Variants in FTO observed in about 807,000 individuals in gnomAD.
FTO encodes the protein alpha-ketoglutarate-dependent dioxygenase FTO.
A neutral mutation model predicts 63.9 loss-of-function variants in FTO; 47 were observed. The ratio of observed to expected loss-of-function variants is 0.74; its 90% CI spans 0.58 to 0.94. FTO has a LOEUF of 0.94. FTO is among the 40% of genes least tolerant of loss of function. FTO has a pLI of 0.00. For synonymous variants in FTO, 207 were observed against 224.4 expected (o/e 0.92, Z 0.69); for missense variants, 562 against 618.1 (o/e 0.91, Z 0.96).
chr16:54,079,515 G>A (rs543324405), intron 8 of FTO, among the ~76,000 whole-genome samples: 3 of 152,184 alleles, frequency 2.0e-5, no homozygotes, highest in Non-Finnish European at 4.4e-5. Context: ...CCAAGTAATT[G>A]CTGCGGGATT....
chr16:53,853,497 C>T (rs753230800), intron 4 of FTO, among the ~76,000 whole-genome samples: 28 of 151,970 alleles, frequency 1.8e-4, no homozygotes, highest in Admixed American at 2.6e-4. Context: ...TCTGAATCTC[C>T]AGTGTCCATT....
At chr16:53,763,320 TTGA>T (rs1348204546) in intron 1 of FTO, among the ~76,000 whole-genome samples, 6 of 152,226 alleles carry the variant, frequency 3.9e-5, no homozygotes, top group Non-Finnish European at 8.8e-5. Context: ...GTAATTATTG[TTGA>T]TGATAAATAA....
intron 7 of FTO, among the ~76,000 whole-genome samples, chr16:53,919,683 A>G (rs2081963364): frequency 6.6e-6 from 1 of 152,222 alleles, no homozygotes. Context: ...TGGCATTCAC[A>G]GCAACCTGGA....
chr16:54,017,782 C>CT (rs1888718131), intron 8 of FTO, among the ~76,000 whole-genome samples: 1 of 152,170 alleles, frequency 6.6e-6, no homozygotes, highest in African/African-American at 2.4e-5. Flanking sequence ...AATGAGCTTT[C>CT]TGCATCTGCC....
At chr16:53,828,977 G>A (rs951856844) in intron 3 of FTO, among the ~76,000 whole-genome samples, 9 of 152,106 alleles carry the variant, frequency 5.9e-5, no homozygotes, top group African/African-American at 1.4e-4. Flanking sequence ...TGCAACCTCC[G>A]CCTCCTGGGT....
intron 8 of FTO, among the ~76,000 whole-genome samples, chr16:53,940,191 T>C (rs895281667): frequency 9.2e-5 from 14 of 152,168 alleles, no homozygotes; most frequent in African/African-American, 3.4e-4. Flanking sequence ...GATATCCTAG[T>C]GGTATATTAT....
intron 8 of FTO, among the ~76,000 whole-genome samples, chr16:54,023,405 G>A (rs185595410): frequency 1.0e-3 from 154 of 152,270 alleles, no homozygotes; most frequent in African/African-American, 3.4e-3. Context: ...TAGGGCTTTC[G>A]TTCAAATAAT....
At chr16:53,930,414 G>A (rs1033619443) in intron 7 of FTO, among the ~76,000 whole-genome samples, 7 of 151,260 alleles carry the variant, frequency 4.6e-5, no homozygotes, top group African/African-American at 7.3e-5. Context: ...TAGTAGAGAC[G>A]GGGTTTCACC....
At chr16:53,982,572 G>A (rs917084530) in intron 8 of FTO, among the ~76,000 whole-genome samples, 2 of 152,120 alleles carry the variant, frequency 1.3e-5, no homozygotes, top group Non-Finnish European at 2.9e-5. Flanking sequence ...ACTTGTTCAT[G>A]GTACTCACTG....
intron 7 of FTO, among the ~76,000 whole-genome samples, chr16:53,902,978 C>G (rs2081440872): frequency 6.6e-6 from 1 of 152,134 alleles, no homozygotes; most frequent in African/African-American, 2.4e-5. Flanking sequence ...GGCGTAGTGG[C>G]ACATGCCCGT....
At chr16:53,779,578 C>T (rs1019313814) in intron 1 of FTO, among the ~76,000 whole-genome samples, 1 of 152,026 alleles carries the variant, frequency 6.6e-6, no homozygotes, top group African/African-American at 2.4e-5. Context: ...GCAGAGATGC[C>T]GAAGACTCAT....
At chr16:54,089,881 G>T (rs1003284754) in intron 8 of FTO, among the ~76,000 whole-genome samples, 5 of 150,160 alleles carry the variant, frequency 3.3e-5, no homozygotes, top group African/African-American at 7.3e-5. Flanking sequence ...AAAAAGAAAA[G>T]AAAATAACAA....
chr16:53,715,548 C>G (rs1019776637), intron 1 of FTO, among the ~76,000 whole-genome samples: 2 of 152,124 alleles, frequency 1.3e-5, no homozygotes, highest in African/African-American at 4.8e-5. Context: ...GCATCGTTGT[C>G]TGAGAAAGTT....
intron 4 of FTO, among the ~76,000 whole-genome samples, chr16:53,850,363 T>G (rs1211613121): frequency 6.6e-6 from 1 of 152,038 alleles, no homozygotes; most frequent in Non-Finnish European, 1.5e-5. Flanking sequence ...GGGATGAGGA[T>G]GTATCTCTCC....
intron 1 of FTO, chr16:53,711,457 A>C (rs1381790798): frequency 7.5e-6 from 3 of 398,486 alleles, no homozygotes; most frequent in Non-Finnish European, 1.3e-5. Flanking sequence ...CATGGAAGGT[A>C]AGTAAGTACC....
intron 8 of FTO, among the ~76,000 whole-genome samples, chr16:54,081,300 T>C (rs1369417710): frequency 6.6e-6 from 1 of 152,202 alleles, no homozygotes; most frequent in Non-Finnish European, 1.5e-5. Context: ...TTAGATATTA[T>C]TTCAGATAGT....
chr16:53,742,427 T>C (rs889273352), intron 1 of FTO, among the ~76,000 whole-genome samples: 1 of 152,032 alleles, frequency 6.6e-6, no homozygotes, highest in Admixed American at 6.6e-5. Context: ...ATAAGAAAAA[T>C]TTCGATAATA....
rs553136614 is a variant in FTO at position 54,113,679 on chromosome 16, C to T, written c.*1764C>T. The T allele has an allele frequency of 2.0e-5, 3 of 152,192 alleles. No homozygotes were observed. Among genetic ancestry groups the T allele is most frequent in the Non-Finnish European group, 2.9e-5 (2 of 68,052 alleles). The allele number at this position is 152,192 out of a possible 1,614,324, so 9.4% of individuals were successfully genotyped here. On this transcript the variant is annotated 3_prime_UTR_variant, in exon 9 of 9. Transcript: ENST00000471389. Reference sequence around the variant, plus strand: ...TTAAAAGTCACAGATGGGGCACCCTCGGGCCATCCAGCCCAGTGTTTTCTT... The same window carrying T: ...TTAAAAGTCACAGATGGGGCACCCTTGGGCCATCCAGCCCAGTGTTTTCTT...
At chr16:53,798,576 G>A (rs887548174) in intron 1 of FTO, among the ~76,000 whole-genome samples, 1 of 152,088 alleles carries the variant, frequency 6.6e-6, no homozygotes, top group Non-Finnish European at 1.5e-5. Context: ...TTGGTTGCTA[G>A]CATATAAAAA....
Sources: allele counts gnomAD v4.1 joint callset (sites outside exome capture counted in the v4.1 genomes callset), GRCh38; gene constraint gnomAD v4.1.1; transcripts MANE v1.5; gene names NCBI Gene and HGNC (gene_info 2026-07-23, HGNC 2026-07-21).